The following ANKS1B variants were observed in gnomAD, a reference collection of about 807,000 sequenced individuals.
ANKS1B encodes ankyrin repeat and sterile alpha motif domain-containing protein 1B.
ANKS1B carries 36 observed loss-of-function variants against 148.3 expected under a neutral mutation model. That is an observed-to-expected ratio of 0.24 (90% CI 0.19 to 0.32). The LOEUF is 0.32. ANKS1B is among the 10% of genes least tolerant of loss of function. The pLI is 1.00. For missense variants in ANKS1B, 1,157 were observed against 1,542.6 expected (o/e 0.75, Z 4.19); for synonymous variants, 542 against 560.8 (o/e 0.97, Z 0.47).
At chr12:99,173,902 T>C (rs142732894) in intron 14 of ANKS1B, among the ~76,000 whole-genome samples, 1 of 152,308 alleles carries the variant, frequency 6.6e-6, no homozygotes, top group African/African-American at 2.4e-5. Flanking sequence ...TCTGGTGCTG[T>C]CGGTGGCTTC....
In ANKS1B at chr12:98,751,445, T is replaced by C. The variant is rs780263079; in HGVS notation, c.3657A>G (p.Lys1219=). Residue 1219 remains lysine (K), a synonymous_variant, in exon 26 of 27, where the codon AAA becomes AAG. Coordinates refer to ENST00000683438, the MANE Select transcript of ANKS1B (RefSeq NM_001352186.2). This position sits in a 1 kb window ranked among gnomAD's most constrained non-coding sequence, Gnocchi z 4.3. ...VAYQLALQAR[K]GGHSSTLPES... is the part of the protein sequence containing the mutation. ...CTGGAAGTGTGGAGGAGTGTCCCCCTTTTCTTGCTTGTAGTGCTAGCTGGT... is the reference window on the plus strand; with the variant it reads ...CTGGAAGTGTGGAGGAGTGTCCCCCCTTTCTTGCTTGTAGTGCTAGCTGGT... 7 of 1,613,894 alleles carry C rather than the reference T, an allele frequency of 4.3e-6. No individual in the cohort carries two copies. Among genetic ancestry groups the C allele is most frequent in the Non-Finnish European group, 5.1e-6 (6 of 1,179,888 alleles).
chr12:99,676,601 C>T (rs529943227), intron 8 of ANKS1B, among the ~76,000 whole-genome samples: 8 of 152,298 alleles, frequency 5.3e-5, no homozygotes, highest in Middle Eastern at 6.8e-3. Context: ...GACTTAATTT[C>T]ATGACATGTA....
intron 1 of ANKS1B, among the ~76,000 whole-genome samples, chr12:99,946,770 C>T (rs2095073411): frequency 6.6e-6 from 1 of 152,112 alleles, no homozygotes; most frequent in South Asian, 2.1e-4. Flanking sequence ...AACAGTTTCC[C>T]CCTTGCACCT....
At chr12:99,269,476 ATTAAT>A (rs1566776409) in intron 12 of ANKS1B, among the ~76,000 whole-genome samples, 1 of 151,008 alleles carries the variant, frequency 6.6e-6, no homozygotes, top group African/African-American at 2.5e-5. Flanking sequence ...CAGAATTCTT[ATTAAT>A]TTATTTGGGA....
At chr12:99,563,754 G>C (rs544925158) in intron 9 of ANKS1B, among the ~76,000 whole-genome samples, 1 of 152,226 alleles carries the variant, frequency 6.6e-6, no homozygotes, top group African/African-American at 2.4e-5. Context: ...TAAAAAGACT[G>C]TCATTACCTA....
In ANKS1B at chr12:98,745,844, G is replaced by A. The variant is rs762780119; in HGVS notation, c.3753C>T (p.Ile1251=). The A allele has an allele frequency of 5.0e-6, 8 of 1,612,638 alleles. No individual in the cohort carries two copies. Among genetic ancestry groups the A allele is most frequent in the South Asian group, 1.1e-5 (1 of 90,936 alleles). ...CCAGAGTCTTTTGCTCAGATGGGTC[G>A]ATCTGCTTTAAAACAGAAAGGCTGA... ...PRVSIRKSVQ[I]DPSEQKTLAN... is the part of the protein sequence containing the mutation. The change falls in exon 27 of 27, where the codon ATC becomes ATT. Residue 1251 remains isoleucine, a synonymous_variant. Transcript: ENST00000683438.
At chr12:99,306,900 T>C (rs1484462948) in intron 12 of ANKS1B, among the ~76,000 whole-genome samples, 1 of 152,104 alleles carries the variant, frequency 6.6e-6, no homozygotes, top group Non-Finnish European at 1.5e-5. Flanking sequence ...GGTTTTTATC[T>C]AGTGTTATAG....
intron 16 of ANKS1B, among the ~76,000 whole-genome samples, chr12:99,080,780 G>C (rs963631502): frequency 3.3e-5 from 5 of 152,068 alleles, no homozygotes; most frequent in Admixed American, 2.0e-4. Flanking sequence ...TAAGTAATCA[G>C]GTAATATCCC....
At chr12:99,243,124 C>T (rs904219388) in intron 14 of ANKS1B, among the ~76,000 whole-genome samples, 1 of 152,004 alleles carries the variant, frequency 6.6e-6, no homozygotes, top group African/African-American at 2.4e-5. Flanking sequence ...TGCAATCTAC[C>T]CATCTGACAA....
intron 17 of ANKS1B, among the ~76,000 whole-genome samples, chr12:98,909,248 G>A (rs973147629): frequency 1.3e-5 from 2 of 152,136 alleles, no homozygotes; most frequent in Admixed American, 1.3e-4. Context: ...ATCAGGTTCC[G>A]CACAGAGTGA....
intron 12 of ANKS1B, among the ~76,000 whole-genome samples, chr12:99,270,393 T>C (rs1029851610): frequency 1.3e-5 from 2 of 152,196 alleles, no homozygotes; most frequent in African/African-American, 4.8e-5. Context: ...CACTGCCTCC[T>C]ACCTCCTCCA....
intron 17 of ANKS1B, among the ~76,000 whole-genome samples, chr12:98,845,089 A>G (rs1167134714): frequency 6.6e-6 from 1 of 152,202 alleles, no homozygotes; most frequent in Non-Finnish European, 1.5e-5. Context: ...GGGGTTTAGC[A>G]GAAAGAATGC....
At chr12:99,045,455 A>G (rs192453369) in intron 17 of ANKS1B, among the ~76,000 whole-genome samples, 2 of 151,994 alleles carry the variant, frequency 1.3e-5, no homozygotes, top group African/African-American at 4.8e-5. Flanking sequence ...TCCTTTAGTG[A>G]CTCCCTCTAA....
chr12:99,902,752 CTTT>C (rs58515396), intron 1 of ANKS1B, among the ~76,000 whole-genome samples: 2 of 139,680 alleles, frequency 1.4e-5, no homozygotes. Flanking sequence ...CTGTTATACA[CTTT>C]TTTTTTTTTT....
At chr12:99,514,202 G>A (rs1429071951) in intron 9 of ANKS1B, among the ~76,000 whole-genome samples, 1 of 151,840 alleles carries the variant, frequency 6.6e-6, no homozygotes, top group Non-Finnish European at 1.5e-5. Flanking sequence ...GTTCATAGTA[G>A]GACTCTATGA....
intron 17 of ANKS1B, among the ~76,000 whole-genome samples, chr12:98,850,100 GAC>G (rs1250069427): frequency 2.1e-5 from 3 of 145,676 alleles, no homozygotes; most frequent in South Asian, 2.2e-4. Context: ...ATAACACAGA[GAC>G]AGACAGACAA....
At chr12:98,771,611 C>A (rs1258177687) in intron 25 of ANKS1B, among the ~76,000 whole-genome samples, 1 of 152,116 alleles carries the variant, frequency 6.6e-6, no homozygotes, top group African/African-American at 2.4e-5. Context: ...GTAGCTGGGA[C>A]TACAGGCATG....
chr12:98,929,306 T>G (rs567085435), intron 17 of ANKS1B, among the ~76,000 whole-genome samples: 1 of 152,090 alleles, frequency 6.6e-6, no homozygotes, highest in African/African-American at 2.4e-5. Flanking sequence ...AGAAAACTCA[T>G]GTTCATGTAT....
intron 1 of ANKS1B, among the ~76,000 whole-genome samples, chr12:99,940,738 AATATTCAC>A (rs2153815800): frequency 6.6e-6 from 1 of 152,310 alleles, no homozygotes; most frequent in East Asian, 1.9e-4. Context: ...TAAGAGAAAG[AATATTCAC>A]ACATAATAAT....
Sources: allele counts gnomAD v4.1 joint callset (sites outside exome capture counted in the v4.1 genomes callset), GRCh38; gene constraint gnomAD v4.1.1; non-coding constraint Gnocchi (gnomAD v3.1); transcripts MANE v1.5; gene names NCBI Gene and HGNC (gene_info 2026-07-23, HGNC 2026-07-21).